OSBPL7: variants seen among roughly 807,000 people sequenced by gnomAD.
OSBPL7 encodes oxysterol binding protein like 7.
Under a neutral mutation model 115.8 loss-of-function variants are expected in OSBPL7, and 66 were observed. The observed-to-expected ratio is 0.57, with a 90% CI of 0.47 to 0.70. OSBPL7 has a LOEUF of 0.70. OSBPL7 is among the 30% of genes least tolerant of loss of function. The pLI is 0.00. For missense variants in OSBPL7, 902 were observed against 1,125.5 expected (o/e 0.80, Z 2.84); for synonymous variants, 441 against 439.2 (o/e 1.00, Z -0.05).
Position 47,808,358 on chromosome 17 carries a change from T to C in OSBPL7, c.2462A>G (p.Asn821Ser). Reference protein sequence around the residue: ...DSSGKEWWVTNNTYWRLRAEP... With the variant: ...DSSGKEWWVTSNTYWRLRAEP... ...GGCCCGCAGCCTCCAGTAGGTATTG[T>C]TGGTCACCCACCACTCTTTCCCGCT... Residue 821 changes from asparagine (N) to serine (S), a missense_variant, in exon 23 of 23, where the codon AAC (asparagine) becomes AGC (serine). Around this residue, in one of 3 missense-constraint regions of OSBPL7, gnomAD observed 230 missense variants for 312.7 expected, o/e 0.74. Coordinates refer to ENST00000007414, the MANE Select transcript of OSBPL7 (RefSeq NM_145798.3). The surrounding 1 kb of genome is among the most constrained non-coding windows in gnomAD (Gnocchi z 6.1). 3 of 1,614,000 alleles carry C rather than the reference T, an allele frequency of 1.9e-6. No individual in the cohort carries two copies. Among genetic ancestry groups the C allele is most frequent in the Non-Finnish European group, 2.5e-6 (3 of 1,179,964 alleles).
intron 18 of OSBPL7, 80 bp from the exon 19 acceptor site, chr17:47,809,558 C>T: frequency 6.5e-7 from 1 of 1,533,196 alleles, no homozygotes; most frequent in Non-Finnish European, 8.9e-7. Context: ...CTTGCTGAAG[C>T]AGGTCATGTG....
chr17:47,810,960 C>T (rs552226681), intron 16 of OSBPL7, 125 bp from the exon 17 acceptor site: 21 of 902,404 alleles, frequency 2.3e-5, no homozygotes, highest in Admixed American at 8.7e-5. Context: ...GTTTCCTGTC[C>T]CTATCACCCT....
At chr17:47,817,459 G>T in intron 7 of OSBPL7, 100 bp from the exon 8 acceptor site, 1 of 760,014 alleles carries the variant, frequency 1.3e-6, no homozygotes, top group Non-Finnish European at 2.1e-6. Flanking sequence ...GCGTGATCTC[G>T]GCTCACTGCA....
intron 16 of OSBPL7, 148 bp downstream of exon 16, chr17:47,813,118 G>T: frequency 1.8e-6 from 2 of 1,096,132 alleles, no homozygotes; most frequent in Non-Finnish European, 2.5e-6. Context: ...CAGAACGTGG[G>T]CCAGGAGCAC....
At chr17:47,814,460 G>T (rs987865416) in intron 14 of OSBPL7, 61 bp downstream of exon 14, 9 of 1,508,972 alleles carry the variant, frequency 6.0e-6, no homozygotes, top group Non-Finnish European at 6.4e-6. Context: ...CCTGGGCCAT[G>T]GACAAACCCT....
chr17:47,819,824 A>G (rs747873285), intron 3 of OSBPL7, 42 bp from the exon 4 acceptor site: 7 of 1,613,628 alleles, frequency 4.3e-6, no homozygotes, highest in Non-Finnish European at 5.9e-6. Context: ...GGAGGCCGAG[A>G]GGAAGGGCAT....
rs762629771 is a variant in OSBPL7 at position 47,816,569 on chromosome 17, G to A, written c.922C>T (p.Gln308Ter). ...HLQRSFWALAQKVHSSLSSVL... is the reference protein window; with the variant it reads ...HLQRSFWALA ...CCTCCCAGCAGGCACTTACCCTTCT[G>A]GGCCAGGGCCCAGAAGCTGCGCTGC... Residue 308 changes from glutamine to a stop codon, truncating the protein, a stop_gained, in exon 10 of 23, where the codon CAG (glutamine) becomes TAG (stop). Transcript: ENST00000007414. LOFTEE classifies it high-confidence loss of function. The surrounding 1 kb of genome is among the most constrained non-coding windows in gnomAD (Gnocchi z 5.8). The A allele has an allele frequency of 2.5e-6, 4 of 1,611,110 alleles. No individual in the cohort carries two copies. The highest frequency in any genetic ancestry group is 1.3e-5 in the African/African-American group (1 of 74,856).
rs1191264537 is a variant in OSBPL7, at chr17:47,814,595, G to GGT, written c.1276_1277insAC (p.Ser426TyrfsTer53). The GGT allele has an allele frequency of 6.2e-7, 1 of 1,614,044 alleles. No homozygotes were observed. The highest frequency in any genetic ancestry group is 2.2e-5 in the East Asian group (1 of 44,886). ...GCTGGTGGTGATTTCACTGGTACAG[G>GGT]ACTCCTCCTCCTCTGAGCCCTGGGC... is the stretch of plus-strand genomic sequence containing the variant. On this transcript the variant is annotated frameshift_variant, in exon 14 of 23. Coordinates refer to ENST00000007414, the MANE Select transcript of OSBPL7 (RefSeq NM_145798.3). LOFTEE classifies it high-confidence loss of function.
At chr17:47,821,172 C>A (rs892639329) in intron 1 of OSBPL7, among the ~76,000 whole-genome samples, 1 of 152,070 alleles carries the variant, frequency 6.6e-6, no homozygotes, top group Non-Finnish European at 1.5e-5. Context: ...CTGGCCCTGG[C>A]CATCCTGGCT....
Position 47,808,660 on chromosome 17 carries a change from C to T in OSBPL7, c.2298G>A (p.Arg766=), listed in dbSNP as rs946338557. 5.6e-6 allele frequency: 9 copies of T among 1,614,016 alleles called. No homozygotes were observed. The change falls in exon 22 of 23, where the codon AGG becomes AGA. Residue 766 remains arginine, a splice_region_variant and synonymous_variant. Transcript: ENST00000007414. The surrounding 1 kb of genome is among the most constrained non-coding windows in gnomAD (Gnocchi z 6.1). The part of the protein sequence containing the change: ...STDTRLRPDQ[R]YLEEGNIQAA... ...CCTGTATGTTCCCCTCCTCCAGGTA[C>T]CTGAGGATCCAGATCAAACTCAGGG...
chr17:47,810,574 T>A lies in OSBPL7; in HGVS notation c.1880+20A>T, dbSNP rs1389947631. 1 of 1,604,186 alleles carries A rather than the reference T, an allele frequency of 6.2e-7. No individual in the cohort carries two copies. Among genetic ancestry groups the A allele is most frequent in the Non-Finnish European group, 8.5e-7 (1 of 1,171,178 alleles). On this transcript the variant is annotated intron_variant, in intron 18 of 22. Coordinates refer to ENST00000007414, the MANE Select transcript of OSBPL7 (RefSeq NM_145798.3). ...ATTGCCTGTGGCTTGGCCTGGCTGC[T>A]GAGAGTCTAAGAATCCCACCTGGGC...
rs1199621364 is a variant in OSBPL7 at position 47,809,220 on chromosome 17, C to T, written c.2026G>A (p.Ala676Thr). ...TGGACATTGGAACTCCAGTACTTGG[C>T]CTGGGGTGGGGAAGGCAGGGTTTAG... ...SCHCKITFCK[A>T]KYWSSNVHEV... is the part of the protein sequence containing the mutation. The change falls in exon 20 of 23, where the codon GCC becomes ACC. Residue 676 changes from alanine (A) to threonine (T), a missense_variant and splice_region_variant. Coordinates refer to ENST00000007414, the MANE Select transcript of OSBPL7 (RefSeq NM_145798.3). The T allele has an allele frequency of 6.2e-7, 1 of 1,614,046 alleles. No homozygotes were observed. The highest frequency in any genetic ancestry group is 2.2e-5 in the East Asian group (1 of 44,882).
In OSBPL7 at chr17:47,814,511, C is replaced by G; in HGVS notation, c.1351+10G>C. ...TCCCACCCCTCCCTGCCTGCCCACC[C>G]AGCTGGCACCTTTCTGACAGCGCTC... On this transcript the variant is annotated intron_variant, in intron 14 of 22. Transcript: ENST00000007414. The G allele has an allele frequency of 2.5e-6, 4 of 1,611,354 alleles. No individual in the cohort carries two copies. The highest frequency in any genetic ancestry group is 3.4e-6 in the Non-Finnish European group (4 of 1,178,208).
At chr17:47,810,041 C>T (rs2032992643) in intron 18 of OSBPL7, among the ~76,000 whole-genome samples, 1 of 152,020 alleles carries the variant, frequency 6.6e-6, no homozygotes, top group Non-Finnish European at 1.5e-5. Context: ...GCCTCAGCCT[C>T]CCCAGTAGCT....
At position 47,808,165 on chromosome 17, in the gene OSBPL7, G is replaced by A; in HGVS notation, c.*126C>T. On this transcript the variant is annotated 3_prime_UTR_variant, in exon 23 of 23. Transcript: ENST00000007414. This position sits in a 1 kb window ranked among gnomAD's most constrained non-coding sequence, Gnocchi z 6.1. ...CCTCTGGCCAGCAGAGGGGAGGGAG[G>A]GCCAGGGCTGCCCCTTTGGTCTCAA... 1 of 707,300 alleles carries A rather than the reference G, an allele frequency of 1.4e-6. No individual in the cohort carries two copies. The highest frequency in any genetic ancestry group is 2.7e-5 in the East Asian group (1 of 36,950). The allele number at this position is 707,300 out of a possible 1,614,324, so 43.8% of individuals were successfully genotyped here.
rs921176729 is a variant in OSBPL7 at position 47,818,262 on chromosome 17, C to T, written c.598+7G>A. ...CCCTTGGAGGTGCTGCGCCTAGGGC[C>T]CCTCACCATGAGAGCAGCGGTCCAG... On this transcript the variant is annotated splice_region_variant and intron_variant, in intron 7 of 22. Transcript: ENST00000007414. 5 of 1,610,596 alleles carry T rather than the reference C, an allele frequency of 3.1e-6. No individual in the cohort carries two copies. Among genetic ancestry groups the T allele is most frequent in the Non-Finnish European group, 4.2e-6 (5 of 1,178,008 alleles).
chr17:47,808,785 G>C lies in OSBPL7; in HGVS notation c.2297+79C>G. On this transcript the variant is annotated intron_variant, in intron 21 of 22. Transcript: ENST00000007414. This position sits in a 1 kb window ranked among gnomAD's most constrained non-coding sequence, Gnocchi z 6.1. ...ACTTCTCTGAGGCCACTCAGTGAAGGAAGGACAAAGCCCCAGCTCTGTACT... is the reference window on the plus strand; with the variant it reads ...ACTTCTCTGAGGCCACTCAGTGAAGCAAGGACAAAGCCCCAGCTCTGTACT... The C allele has an allele frequency of 6.2e-7, 1 of 1,603,986 alleles. No individual in the cohort carries two copies. Among genetic ancestry groups the C allele is most frequent in the Admixed American group, 1.7e-5 (1 of 59,546 alleles).
In OSBPL7 at chr17:47,816,726, C is replaced by T. The variant is rs201107404; in HGVS notation, c.796-31G>A. ...GGTGAAGGGGAAGGGCTGAAGGGGCCGGCCTCCTTAGAGCATCCTGCCCCA... is the reference window on the plus strand; with the variant it reads ...GGTGAAGGGGAAGGGCTGAAGGGGCTGGCCTCCTTAGAGCATCCTGCCCCA... On this transcript the variant is annotated intron_variant, in intron 9 of 22. Transcript: ENST00000007414. The surrounding 1 kb of genome is among the most constrained non-coding windows in gnomAD (Gnocchi z 5.8). The T allele has an allele frequency of 2.5e-5, 41 of 1,613,892 alleles. No homozygotes were observed. The East Asian group carries it at 3.8e-4, about 15-fold the overall frequency.
Position 47,816,978 on chromosome 17 carries a change from C to G in OSBPL7, c.703-106G>C, listed in dbSNP as rs1034442096. The G allele has an allele frequency of 1.8e-6, 2 of 1,101,214 alleles. No individual in the cohort carries two copies. The highest frequency in any genetic ancestry group is 3.1e-5 in the African/African-American group (2 of 65,088). 68.2% of individuals were successfully genotyped at this position (1,101,214 alleles called of 1,614,324 possible). ...CGGCCTCCTGCGCCATGGAGGAGGGCGCAGATTACCCAGCACAGAGGATGC... is the reference window on the plus strand; with the variant it reads ...CGGCCTCCTGCGCCATGGAGGAGGGGGCAGATTACCCAGCACAGAGGATGC... On this transcript the variant is annotated intron_variant, in intron 8 of 22. Transcript: ENST00000007414. The surrounding 1 kb of genome is among the most constrained non-coding windows in gnomAD (Gnocchi z 5.8).
Sources: allele counts gnomAD v4.1 joint callset (sites outside exome capture counted in the v4.1 genomes callset), GRCh38; gene constraint gnomAD v4.1.1; regional missense constraint gnomAD v4.1.1; non-coding constraint Gnocchi (gnomAD v3.1); transcripts MANE v1.5; gene names NCBI Gene and HGNC (gene_info 2026-07-23, HGNC 2026-07-21).